CEP68: variants seen among roughly 807,000 people sequenced by gnomAD.
CEP68 encodes centrosomal protein of 68 kDa.
A neutral mutation model predicts 55.3 loss-of-function variants in CEP68; 26 were observed. The observed-to-expected ratio is 0.47, with a 90% CI of 0.34 to 0.65. The LOEUF is 0.65. CEP68 is among the 30% of genes least tolerant of loss of function. CEP68 has a pLI of 0.01. For synonymous variants in CEP68, 402 were observed against 383.2 expected, an observed-to-expected ratio of 1.05 and a Z score of -0.57; for missense variants, 957 against 946.7, an observed-to-expected ratio of 1.01 and a Z score of -0.14.
intron 1 of CEP68, among the ~76,000 whole-genome samples, chr2:65,060,654 C>G (rs983227862): frequency 6.6e-6 from 1 of 152,218 alleles, no homozygotes; most frequent in Non-Finnish European, 1.5e-5. Flanking sequence ...CAGGTACAGC[C>G]TCTTCTGACA....
At chr2:65,077,776 T>A (rs1370354118) in intron 4 of CEP68, 92 bp from the exon 5 acceptor site, 1 of 899,816 alleles carries the variant, frequency 1.1e-6, no homozygotes. Flanking sequence ...TAGAGGGGAA[T>A]AAGGCTTCCC....
chr2:65,064,478 T>G (rs1390284840), intron 1 of CEP68, among the ~76,000 whole-genome samples: 1 of 152,122 alleles, frequency 6.6e-6, no homozygotes, highest in African/African-American at 2.4e-5. Context: ...CTCACACCTG[T>G]AATCCCAGCA....
intron 1 of CEP68, among the ~76,000 whole-genome samples, chr2:65,056,770 G>C (rs1675621251): frequency 2.0e-5 from 3 of 152,106 alleles, no homozygotes. Flanking sequence ...GGCGTGTGCT[G>C]TGGCGGCCGA....
At position 65,074,278 on chromosome 2, in the gene CEP68, G is replaced by A. The variant is rs765205235; in HGVS notation, c.1885-4G>A. 16 of 1,613,882 alleles carry A rather than the reference G, an allele frequency of 9.9e-6. No individual in the cohort carries two copies. The African/African-American group carries it at 2.1e-4, about 22-fold the overall frequency. ...ACCATGTGTCCTTTTATTTGTCTCT[G>A]CAGACATTTTGCTGTCAGCTGGAAG... On this transcript the variant is annotated splice_polypyrimidine_tract_variant and splice_region_variant and intron_variant, in intron 3 of 6. Transcript: ENST00000377990.
chr2:65,080,281 T>A, intron 5 of CEP68: 1 of 985,360 alleles, frequency 1.0e-6, no homozygotes, highest in Non-Finnish European at 1.2e-6. Context: ...TTCAGATATG[T>A]ATCCAGGCTC....
In CEP68 at chr2:65,076,191, T is replaced by C. The variant is rs13012648; in HGVS notation, c.2008-1677T>C. Among the ~76,000 whole-genome samples the C allele has an allele frequency of 0.022, 3,372 of 152,220 alleles. 208 individuals are homozygous for C. The East Asian group carries it at 0.23, about 10-fold the overall frequency. ...GTCCTGTATGCAGACTCCACGTGCATGCACGCAGCTGTGCAGGGCCCAGGA... is the reference window on the plus strand; with the variant it reads ...GTCCTGTATGCAGACTCCACGTGCACGCACGCAGCTGTGCAGGGCCCAGGA... On this transcript the variant is annotated intron_variant, in intron 4 of 6. Coordinates refer to ENST00000377990, the MANE Select transcript of CEP68 (RefSeq NM_015147.3).
intron 1 of CEP68, among the ~76,000 whole-genome samples, chr2:65,065,307 G>A (rs1435394810): frequency 6.6e-6 from 1 of 152,208 alleles, no homozygotes; most frequent in African/African-American, 2.4e-5. Context: ...AGCATTGTTT[G>A]GACTAGCAAA....
At chr2:65,080,192 T>A in intron 5 of CEP68, 1 of 969,414 alleles carries the variant, frequency 1.0e-6, no homozygotes, top group Non-Finnish European at 1.2e-6. Context: ...TTAAAATCAA[T>A]TTAATAATAC....
At chr2:65,066,760 A>G (rs2103760824) in intron 1 of CEP68, among the ~76,000 whole-genome samples, 1 of 111,774 alleles carries the variant, frequency 8.9e-6, no homozygotes, top group Non-Finnish European at 1.8e-5. Context: ...ATATATATAT[A>G]TATATATACA....
chr2:65,070,655 A>G (rs1676418273), intron 2 of CEP68: 1 of 152,000 alleles, frequency 6.6e-6, no homozygotes. Context: ...TGAGTCAGAG[A>G]TTCGGTGAGG....
chr2:65,057,128 C>T (rs1352597680), intron 1 of CEP68, among the ~76,000 whole-genome samples: 1 of 152,178 alleles, frequency 6.6e-6, no homozygotes, highest in Non-Finnish European at 1.5e-5. Context: ...AGCCTGGGGA[C>T]GAATGTCCAA....
chr2:65,073,979 G>T, intron 3 of CEP68: 1 of 290,294 alleles, frequency 3.4e-6, no homozygotes, highest in African/African-American at 2.2e-5. Flanking sequence ...ATTCTAGTTA[G>T]TAATGGTGCT....
chr2:65,064,283 C>T (rs1676048227), intron 1 of CEP68, among the ~76,000 whole-genome samples: 1 of 152,102 alleles, frequency 6.6e-6, no homozygotes, highest in African/African-American at 2.4e-5. Context: ...TAATGAGGTC[C>T]AGACAAGATG....
At chr2:65,079,716 G>C (rs1051087070) in intron 5 of CEP68, among the ~76,000 whole-genome samples, 18 of 152,352 alleles carry the variant, frequency 1.2e-4, no homozygotes, top group Non-Finnish European at 8.8e-5. Context: ...TTGTGGATTT[G>C]CCACAGGCCA....
At position 65,080,729 on chromosome 2, in the gene CEP68, A is replaced by G. The variant is rs537164041; in HGVS notation, c.2105-1807A>G. Among the ~76,000 whole-genome samples, 20 of 152,198 alleles carry G rather than the reference A, an allele frequency of 1.3e-4. No homozygotes were observed. The East Asian group carries it at 3.5e-3, about 26-fold the overall frequency. ...GCTACTCAGGAGGCTGGGGCAGGAG[A>G]GTCGCTTGAACCCGGGAGGCAGAGG... On this transcript the variant is annotated intron_variant, in intron 5 of 6. Transcript: ENST00000377990.
At position 65,072,665 on chromosome 2, in the gene CEP68, C is replaced by G; in HGVS notation, c.1569C>G (p.Asp523Glu). 1 of 1,614,200 alleles carries G rather than the reference C, an allele frequency of 6.2e-7. No homozygotes were observed. Among genetic ancestry groups the G allele is most frequent in the Non-Finnish European group, 8.5e-7 (1 of 1,180,022 alleles). ...IKGQSPLEVSDSDGPASFPSS... is the reference protein window; with the variant it reads ...IKGQSPLEVSESDGPASFPSS... ...GGCAGAGCCCCTTGGAAGTGTCAGA[C>G]AGTGATGGGCCAGCTTCCTTCCCTT... Residue 523 changes from aspartate to glutamate, a missense_variant, in exon 3 of 7, where the codon GAC becomes GAG. Coordinates refer to ENST00000377990, the MANE Select transcript of CEP68 (RefSeq NM_015147.3).
chr2:65,058,267 A>G (rs1675742708), intron 1 of CEP68, among the ~76,000 whole-genome samples: 2 of 152,002 alleles, frequency 1.3e-5, no homozygotes, highest in South Asian at 4.2e-4. Flanking sequence ...GTACAGTGGC[A>G]TGATCTCAAC....
chr2:65,080,543 GC>G (rs1676962816), intron 5 of CEP68: 2 of 985,262 alleles, frequency 2.0e-6, no homozygotes, highest in South Asian at 9.4e-5. Flanking sequence ...AAGCGTCCGT[GC>G]GCAGTGGCTC....
At chr2:65,068,184 C>T (rs991495685) in intron 1 of CEP68, among the ~76,000 whole-genome samples, 1 of 152,198 alleles carries the variant, frequency 6.6e-6, no homozygotes, top group Admixed American at 6.5e-5. Flanking sequence ...CCTTCCACAT[C>T]CTCCCAGCAT....
Sources: gnomAD v4.1 joint callset for allele counts (sites outside exome capture counted in the v4.1 genomes callset) on GRCh38, gnomAD v4.1.1 for gene constraint, MANE v1.5 for transcripts, NCBI Gene and HGNC (gene_info 2026-07-23, HGNC 2026-07-21) for gene names.